The following SLC24A3 variants were observed in gnomAD, a reference collection of about 807,000 sequenced individuals.
SLC24A3 encodes sodium/potassium/calcium exchanger 3.
SLC24A3 carries 28 observed loss-of-function variants against 75.8 expected under a neutral mutation model. The observed-to-expected ratio is 0.37, with a 90% CI of 0.27 to 0.51. SLC24A3 has a LOEUF of 0.51. SLC24A3 is among the 20% of genes least tolerant of loss of function. The probability of loss-of-function intolerance (pLI) is 0.94; values close to 1 mark genes in which losing one functional copy is unlikely to be tolerated. For missense variants in SLC24A3, 663 were observed against 847.8 expected, an observed-to-expected ratio of 0.78 and a Z score of 2.71; for synonymous variants, 372 against 334.1, an observed-to-expected ratio of 1.11 and a Z score of -1.24.
intron 3 of SLC24A3, among the ~76,000 whole-genome samples, chr20:19,543,478 G>A (rs377202165): frequency 6.0e-4 from 92 of 152,340 alleles, no homozygotes; most frequent in Non-Finnish European, 9.1e-4. Context: ...ATCCTATAAT[G>A]TGCCAAGGTG....
chr20:19,543,699 A>G (rs2030539791), intron 3 of SLC24A3, among the ~76,000 whole-genome samples: 1 of 152,174 alleles, frequency 6.6e-6, no homozygotes, highest in Non-Finnish European at 1.5e-5. Flanking sequence ...GAAAACAGTC[A>G]CCATGCTTTG....
chr20:19,280,831 G>A (rs1160907267), intron 1 of SLC24A3, 128 bp from the exon 2 acceptor site: 1 of 1,347,384 alleles, frequency 7.4e-7, no homozygotes, highest in Admixed American at 2.2e-5. Flanking sequence ...GGCAGCTAGA[G>A]GCAGAGTGGC....
intron 2 of SLC24A3, among the ~76,000 whole-genome samples, chr20:19,282,714 A>T (rs1181952379): frequency 4.6e-5 from 7 of 152,260 alleles, no homozygotes; most frequent in Non-Finnish European, 1.5e-5. Flanking sequence ...ATCAGACAGG[A>T]CATGGTGACC....
At chr20:19,486,356 T>TG (rs1988127375) in intron 2 of SLC24A3, among the ~76,000 whole-genome samples, 2 of 152,232 alleles carry the variant, frequency 1.3e-5, no homozygotes, top group African/African-American at 2.4e-5. Flanking sequence ...GTCTTGATGG[T>TG]AACAGTGGTT....
At chr20:19,308,930 A>G (rs2122257431) in intron 2 of SLC24A3, among the ~76,000 whole-genome samples, 1 of 152,346 alleles carries the variant, frequency 6.6e-6, no homozygotes, top group African/African-American at 2.4e-5. Context: ...CATTTGATTG[A>G]TATCTTTCTA....
rs114829400 is a variant in SLC24A3, at chr20:19,568,337, C to A, written c.349-11663C>A. Among the ~76,000 whole-genome samples, 727 of 152,188 alleles carry A rather than the reference C, an allele frequency of 4.8e-3. 5 individuals are homozygous for A. The highest frequency in any genetic ancestry group is 0.02 in the East Asian group (103 of 5,184). ...GACTCAAAGAATATTGCATCATTCACAACAGCTAAAAGGTGGAAACAGACT... is the reference window on the plus strand; with the variant it reads ...GACTCAAAGAATATTGCATCATTCAAAACAGCTAAAAGGTGGAAACAGACT... On this transcript the variant is annotated intron_variant, in intron 3 of 16. Coordinates refer to ENST00000328041, the MANE Select transcript of SLC24A3 (RefSeq NM_020689.4).
At chr20:19,224,934 G>T (rs1981833658) in intron 1 of SLC24A3, among the ~76,000 whole-genome samples, 1 of 152,070 alleles carries the variant, frequency 6.6e-6, no homozygotes, top group Non-Finnish European at 1.5e-5. Flanking sequence ...GAATTTTTTG[G>T]CATTTAGTGT....
intron 2 of SLC24A3, among the ~76,000 whole-genome samples, chr20:19,366,870 G>T (rs546278671): frequency 2.6e-5 from 4 of 152,054 alleles, no homozygotes; most frequent in African/African-American, 4.8e-5. Context: ...CCCCAGATCT[G>T]CATACCCTGC....
At chr20:19,249,579 T>G (rs1982592336) in intron 1 of SLC24A3, among the ~76,000 whole-genome samples, 4 of 152,240 alleles carry the variant, frequency 2.6e-5, no homozygotes, top group Admixed American at 2.6e-4. Context: ...TGCTTCACTT[T>G]CATTTCATCT....
chr20:19,480,731 C>T (rs896912933), intron 2 of SLC24A3, among the ~76,000 whole-genome samples: 7 of 152,072 alleles, frequency 4.6e-5, no homozygotes, highest in Admixed American at 1.3e-4. Context: ...GGGGAAGTTC[C>T]CCAAAGACCA....
intron 2 of SLC24A3, among the ~76,000 whole-genome samples, chr20:19,416,866 T>G (rs144793373): frequency 1.3e-5 from 2 of 152,130 alleles, no homozygotes; most frequent in African/African-American, 2.4e-5. Flanking sequence ...GGGGGAGACA[T>G]GCAGATACAA....
At chr20:19,592,946 C>T (rs2031400427) in intron 6 of SLC24A3, among the ~76,000 whole-genome samples, 1 of 152,026 alleles carries the variant, frequency 6.6e-6, no homozygotes, top group Non-Finnish European at 1.5e-5. Context: ...CAGGTGCCTG[C>T]CACCATGCCT....
chr20:19,240,397 G>A (rs1197638000), intron 1 of SLC24A3, among the ~76,000 whole-genome samples: 1 of 152,208 alleles, frequency 6.6e-6, no homozygotes, highest in African/African-American at 2.4e-5. Context: ...AGTTTGCATT[G>A]TAAAAGCAGT....
chr20:19,461,529 C>CTTTTTTTTTTTTTT (rs11468628), intron 2 of SLC24A3, among the ~76,000 whole-genome samples: 509 of 101,404 alleles, frequency 5.0e-3, no homozygotes, highest in East Asian at 6.7e-3. Context: ...TCTTTTTTTT[C>CTTTTTTTTTTTTTT]TTTTTTTTTT....
intron 2 of SLC24A3, among the ~76,000 whole-genome samples, chr20:19,301,718 C>A (rs141908472): frequency 1.3e-5 from 2 of 152,168 alleles, no homozygotes; most frequent in East Asian, 3.9e-4. Context: ...TTTTTAGTCG[C>A]CCCCTTATGT....
intron 15 of SLC24A3, among the ~76,000 whole-genome samples, chr20:19,700,372 A>T (rs140092041): frequency 0.01 from 1,544 of 152,304 alleles, 26 homozygotes; most frequent in African/African-American, 0.035. Context: ...CAGAGAAGGC[A>T]AGGGCATGGA....
intron 3 of SLC24A3, among the ~76,000 whole-genome samples, chr20:19,541,033 C>T (rs775150662): frequency 1.7e-4 from 26 of 152,214 alleles, no homozygotes; most frequent in Admixed American, 1.7e-3. Context: ...CAGATGACGA[C>T]TTGAAAGGCA....
chr20:19,219,686 A>G (rs374780514), intron 1 of SLC24A3, among the ~76,000 whole-genome samples: 1 of 152,366 alleles, frequency 6.6e-6, no homozygotes, highest in East Asian at 1.9e-4. Context: ...AATTTACAAG[A>G]AAACAATTGC....
Position 19,721,315 on chromosome 20 carries a change from C to G in SLC24A3, c.*175C>G. The G allele has an allele frequency of 1.4e-6, 1 of 705,732 alleles. No homozygotes were observed. The highest frequency in any genetic ancestry group is 2.8e-5 in the East Asian group (1 of 35,424). The allele number at this position is 705,732 out of a possible 1,614,324, so 43.7% of individuals were successfully genotyped here. The stretch of plus-strand genomic sequence containing the variant: ...TCTCCCCTGACCCATCCTCGCTCCC[C>G]CACCTCCTTGGGTCATGCCCACCCA... On this transcript the variant is annotated 3_prime_UTR_variant, in exon 17 of 17. Coordinates refer to ENST00000328041, the MANE Select transcript of SLC24A3 (RefSeq NM_020689.4).
Sources: gnomAD v4.1 joint callset for allele counts (sites outside exome capture counted in the v4.1 genomes callset) on GRCh38, gnomAD v4.1.1 for gene constraint, MANE v1.5 for transcripts, NCBI Gene and HGNC (gene_info 2026-07-23, HGNC 2026-07-21) for gene names.